The following ICE2 variants were observed in gnomAD, a reference collection of about 807,000 sequenced individuals.
ICE2 encodes interactor of little elongation complex ELL subunit 2, also known as little elongation complex subunit 2.
ICE2 carries 87 observed loss-of-function variants against 105.4 expected under a neutral mutation model. That is an observed-to-expected ratio of 0.83 (90% CI 0.69 to 0.99). The LOEUF is 0.99. ICE2 is among the 50% of genes least tolerant of loss of function. The pLI, the probability that ICE2 is intolerant of heterozygous loss-of-function variation, is 0.00. For missense variants in ICE2, 1,323 were observed against 1,146.7 expected, an observed-to-expected ratio of 1.15 and a Z score of -2.22; for synonymous variants, 399 against 392.0, an observed-to-expected ratio of 1.02 and a Z score of -0.21.
intron 4 of ICE2, 68 bp from the exon 5 acceptor site, chr15:60,466,781 C>A: frequency 7.9e-6 from 10 of 1,263,614 alleles, no homozygotes; most frequent in South Asian, 1.3e-5. Context: ...CATTCTTAAT[C>A]ATTGCTATAA....
intron 3 of ICE2, among the ~76,000 whole-genome samples, chr15:60,472,355 T>C (rs2064625578): frequency 6.6e-6 from 1 of 152,062 alleles, no homozygotes; most frequent in East Asian, 1.9e-4. Flanking sequence ...TTGTAAACAA[T>C]AAAGCCTGAA....
At chr15:60,435,227 G>A (rs1339622611) in intron 13 of ICE2, among the ~76,000 whole-genome samples, 1 of 151,114 alleles carries the variant, frequency 6.6e-6, no homozygotes, top group Non-Finnish European at 1.5e-5. Flanking sequence ...CTTGCAGTGA[G>A]CCGAGATCAC....
Position 60,455,145 on chromosome 15 carries a change from T to C in ICE2, c.801A>G (p.Pro267=), listed in dbSNP as rs771388503. 6.3e-7 allele frequency: 1 copy of C among 1,579,554 alleles called. No homozygotes were observed. The highest frequency in any genetic ancestry group is 2.0e-5 in the Admixed American group (1 of 51,066). ...EAMHYDISKD[P]NAEKLVSRYH... The stretch of plus-strand genomic sequence containing the variant: ...ATCTGGAAACAAGCTTCTCTGCATT[T>C]GGATCTTTACTAATATCCTGAAAAA... The change falls in exon 8 of 16, where the codon CCA becomes CCG. Residue 267 remains proline, a synonymous_variant. Transcript: ENST00000261520.
At chr15:60,437,096 CAT>C (rs2063611065) in intron 12 of ICE2, among the ~76,000 whole-genome samples, 1 of 151,322 alleles carries the variant, frequency 6.6e-6, no homozygotes, top group Non-Finnish European at 1.5e-5. Flanking sequence ...CTACTAAAAA[CAT>C]AAAAAAATTA....
intron 14 of ICE2, among the ~76,000 whole-genome samples, chr15:60,430,115 A>C (rs1337831036): frequency 6.6e-6 from 1 of 152,230 alleles, no homozygotes; most frequent in East Asian, 1.9e-4. Flanking sequence ...TAAGGTTGCT[A>C]ATCAACTGAT....
At chr15:60,472,307 A>C (rs982237482) in intron 3 of ICE2, among the ~76,000 whole-genome samples, 1 of 152,180 alleles carries the variant, frequency 6.6e-6, no homozygotes, top group Non-Finnish European at 1.5e-5. Flanking sequence ...TCTTGAAATT[A>C]ACAGAATAAA....
intron 12 of ICE2, chr15:60,440,319 A>G (rs1323657112): frequency 6.6e-6 from 1 of 152,246 alleles, no homozygotes; most frequent in Non-Finnish European, 1.5e-5. Flanking sequence ...AGGACTGCCT[A>G]TATATCAACT....
At chr15:60,477,425 A>G (rs1160233468) in intron 2 of ICE2, among the ~76,000 whole-genome samples, 2 of 152,238 alleles carry the variant, frequency 1.3e-5, no homozygotes, top group African/African-American at 4.8e-5. Flanking sequence ...AATGTGTGTT[A>G]AAATGAACTA....
At chr15:60,430,159 C>A (rs1411527803) in intron 14 of ICE2, among the ~76,000 whole-genome samples, 1 of 152,062 alleles carries the variant, frequency 6.6e-6, no homozygotes, top group Non-Finnish European at 1.5e-5. Flanking sequence ...ATCACAAGAG[C>A]CCTTAAATAC....
chr15:60,427,653 A>G (rs2063365882), intron 15 of ICE2, among the ~76,000 whole-genome samples: 1 of 152,120 alleles, frequency 6.6e-6, no homozygotes, highest in Admixed American at 6.5e-5. Flanking sequence ...CTGACCTCAA[A>G]TGATCCACCC....
rs1358725011 is a variant in ICE2 at position 60,431,937 on chromosome 15, C to T, written c.2558G>A (p.Ser853Asn). The T allele has an allele frequency of 2.2e-6, 3 of 1,354,312 alleles. No homozygotes were observed. Among genetic ancestry groups the T allele is most frequent in the African/African-American group, 2.8e-5 (2 of 70,460 alleles). The allele number at this position is 1,354,312 out of a possible 1,614,324, so 83.9% of individuals were successfully genotyped here. Reference sequence around the variant, plus strand: ...AAAATGCCTAAAAAATACTTACCTACTTAGTTTCTTTAGAATGTGTTGGAG... The same window carrying T: ...AAAATGCCTAAAAAATACTTACCTATTTAGTTTCTTTAGAATGTGTTGGAG... ...NILQHILKKL[S>N]SLQEGSYLLS... is the part of the protein sequence containing the mutation. Residue 853 changes from serine to asparagine, a missense_variant, in exon 14 of 16, where the codon AGT (serine) becomes AAT (asparagine). By Grantham distance (46) the Ser-to-Asn change is conservative. Transcript: ENST00000261520.
intron 9 of ICE2, chr15:60,452,807 T>C: frequency 1.0e-6 from 1 of 956,320 alleles, no homozygotes; most frequent in Non-Finnish European, 1.2e-6. Context: ...ATAAGCAAAC[T>C]AGACACAGAG....
intron 13 of ICE2, among the ~76,000 whole-genome samples, chr15:60,433,352 C>T (rs774275789): frequency 1.3e-5 from 2 of 151,868 alleles, no homozygotes; most frequent in Non-Finnish European, 2.9e-5. Context: ...TCCCAAAGTG[C>T]TGGGATTACA....
At chr15:60,463,634 G>T (rs1051775239) in intron 5 of ICE2, among the ~76,000 whole-genome samples, 1 of 152,200 alleles carries the variant, frequency 6.6e-6, no homozygotes, top group Non-Finnish European at 1.5e-5. Context: ...TTAGCTGGGC[G>T]TGGTGGCAGG....
rs1053896108 is a variant in ICE2, at chr15:60,466,671, T to G, written c.451A>C (p.Lys151Gln). 2 of 1,610,624 alleles carry G rather than the reference T, an allele frequency of 1.2e-6. No homozygotes were observed. Among genetic ancestry groups the G allele is most frequent in the African/African-American group, 2.7e-5 (2 of 74,914 alleles). ...TTCTTTGCAGAATTCTGCAAAAACT[T>G]TAGGAACTCAGTAACTTCTTCGTTC... is the stretch of plus-strand genomic sequence containing the variant. ...HVNEEVTEFL[K>Q]FLQNSAKKCA... Residue 151 changes from lysine to glutamine, a missense_variant, in exon 5 of 16, where the codon AAG becomes CAG. Physicochemically the swap from Lys to Gln is moderately conservative, Grantham distance 53. Coordinates refer to ENST00000261520, the MANE Select transcript of ICE2 (RefSeq NM_024611.6).
chr15:60,430,344 A>G (rs2063428824), intron 14 of ICE2, among the ~76,000 whole-genome samples: 1 of 152,252 alleles, frequency 6.6e-6, no homozygotes, highest in Non-Finnish European at 1.5e-5. Flanking sequence ...CAGAGCCTAC[A>G]GAAAGGAATG....
intron 5 of ICE2, among the ~76,000 whole-genome samples, chr15:60,466,309 G>C (rs1181955174): frequency 6.6e-6 from 1 of 152,102 alleles, no homozygotes; most frequent in Non-Finnish European, 1.5e-5. Flanking sequence ...CTCTCACAAG[G>C]GAAGTCAGTG....
intron 15 of ICE2, among the ~76,000 whole-genome samples, chr15:60,425,407 G>T (rs2063319195): frequency 6.6e-6 from 1 of 152,180 alleles, no homozygotes; most frequent in Non-Finnish European, 1.5e-5. Flanking sequence ...AACCTCCACT[G>T]CAAGACTGTG....
At chr15:60,427,158 TTTAAA>T (rs1402643775) in intron 15 of ICE2, among the ~76,000 whole-genome samples, 4 of 152,202 alleles carry the variant, frequency 2.6e-5, no homozygotes, top group African/African-American at 7.2e-5. Flanking sequence ...CCCTGTTTAC[TTTAAA>T]TTATTTAAAA....
Sources: allele counts gnomAD v4.1 joint callset (sites outside exome capture counted in the v4.1 genomes callset), GRCh38; gene constraint gnomAD v4.1.1; transcripts MANE v1.5; gene names NCBI Gene and HGNC (gene_info 2026-07-23, HGNC 2026-07-21).